Variants in DDR2 observed in about 807,000 individuals in gnomAD.
DDR2 encodes the protein discoidin domain receptor tyrosine kinase 2.
Under a neutral mutation model 94.9 loss-of-function variants are expected in DDR2, and 27 were observed. The ratio of observed to expected loss-of-function variants is 0.28; its 90% CI spans 0.21 to 0.39. DDR2 has a LOEUF of 0.39. Ranked by LOEUF, DDR2 falls within the 10% of genes least tolerant of loss-of-function variation. DDR2 has a pLI of 1.00. For missense variants in DDR2, 783 were observed against 1,076.0 expected (o/e 0.73, Z 3.81); for synonymous variants, 382 against 377.2 (o/e 1.01, Z -0.15).
intron 1 of DDR2, among the ~76,000 whole-genome samples, chr1:162,645,946 G>T (rs73016526): frequency 9.0e-4 from 137 of 152,316 alleles, no homozygotes; most frequent in African/African-American, 2.8e-3. Context: ...AAGCTGGTAT[G>T]TGTTAGTATG....
intron 3 of DDR2, among the ~76,000 whole-genome samples, chr1:162,736,860 A>G (rs1036308758): frequency 6.6e-6 from 1 of 152,198 alleles, no homozygotes; most frequent in Non-Finnish European, 1.5e-5. Flanking sequence ...CTGAAGGAGA[A>G]GTATACTTAG....
chr1:162,726,997 T>C (rs906277760), intron 3 of DDR2, among the ~76,000 whole-genome samples: 2 of 148,990 alleles, frequency 1.3e-5, no homozygotes, highest in Non-Finnish European at 3.0e-5. Context: ...AGATATAAAA[T>C]AGGAAAAGGA....
intron 3 of DDR2, among the ~76,000 whole-genome samples, chr1:162,727,161 A>G (rs866510198): frequency 6.9e-5 from 8 of 116,580 alleles, no homozygotes; most frequent in East Asian, 4.1e-4. Flanking sequence ...TGTAAATATA[A>G]ACATATATTT....
At chr1:162,672,788 G>A (rs537804141) in intron 2 of DDR2, among the ~76,000 whole-genome samples, 14 of 151,988 alleles carry the variant, frequency 9.2e-5, no homozygotes, top group African/African-American at 1.4e-4. Flanking sequence ...ATGTTCTGGC[G>A]GCCATTCTCA....
At chr1:162,696,572 G>A (rs182800079) in intron 2 of DDR2, among the ~76,000 whole-genome samples, 99 of 151,966 alleles carry the variant, frequency 6.5e-4, no homozygotes, top group African/African-American at 2.3e-3. Flanking sequence ...GGCCAAAGCT[G>A]AGTGAGGGCT....
At chr1:162,635,880 G>GT (rs1431766025) in intron 1 of DDR2, among the ~76,000 whole-genome samples, 2 of 152,140 alleles carry the variant, frequency 1.3e-5, no homozygotes, top group Non-Finnish European at 2.9e-5. Context: ...CAACTGTGTT[G>GT]TCTTTGGCAA....
At chr1:162,716,135 T>A (rs1222714717) in intron 2 of DDR2, among the ~76,000 whole-genome samples, 2 of 152,128 alleles carry the variant, frequency 1.3e-5, no homozygotes, top group East Asian at 1.9e-4. Context: ...AAATTAAGCA[T>A]GTGTTTTGGT....
At chr1:162,749,269 AAAG>A in intron 3 of DDR2, among the ~76,000 whole-genome samples, 1 of 152,348 alleles carries the variant, frequency 6.6e-6, no homozygotes, top group African/African-American at 2.4e-5. Flanking sequence ...CAAGACTAAC[AAAG>A]AAGAAAGGAG....
chr1:162,718,031 G>A (rs905713287), intron 2 of DDR2, among the ~76,000 whole-genome samples: 4 of 152,170 alleles, frequency 2.6e-5, no homozygotes, highest in Admixed American at 6.5e-5. Context: ...CATTGGAAAT[G>A]TGCATATTCT....
intron 3 of DDR2, among the ~76,000 whole-genome samples, chr1:162,733,992 T>A (rs1473294485): frequency 6.6e-6 from 1 of 152,214 alleles, no homozygotes. Context: ...CCTATTTGAT[T>A]ATGAAAAATC....
intron 14 of DDR2, among the ~76,000 whole-genome samples, chr1:162,774,741 T>G (rs920005920): frequency 2.6e-5 from 4 of 152,136 alleles, no homozygotes; most frequent in Non-Finnish European, 5.9e-5. Context: ...CCTCCACCTG[T>G]GTCCTTAGCA....
chr1:162,663,402 G>T (rs1032096987), intron 2 of DDR2, among the ~76,000 whole-genome samples: 3 of 152,060 alleles, frequency 2.0e-5, no homozygotes, highest in African/African-American at 7.2e-5. Flanking sequence ...TGCTGGAGGG[G>T]GTCCCCTATC....
intron 2 of DDR2, among the ~76,000 whole-genome samples, chr1:162,708,139 T>A (rs1218370555): frequency 6.6e-6 from 1 of 152,164 alleles, no homozygotes; most frequent in African/African-American, 2.4e-5. Context: ...GTCTTGAGTA[T>A]GTTAAGGGAA....
At chr1:162,671,083 C>T (rs1282699176) in intron 2 of DDR2, among the ~76,000 whole-genome samples, 3 of 152,104 alleles carry the variant, frequency 2.0e-5, no homozygotes, top group African/African-American at 4.8e-5. Context: ...TGTCAGCACA[C>T]ATACACGCAT....
intron 2 of DDR2, among the ~76,000 whole-genome samples, chr1:162,717,936 C>T (rs1014619504): frequency 6.6e-6 from 1 of 152,170 alleles, no homozygotes; most frequent in Non-Finnish European, 1.5e-5. Flanking sequence ...GTGCAACTTA[C>T]TCTTAAGGAG....
chr1:162,752,964 C>A, intron 3 of DDR2, 131 bp from the exon 4 acceptor site: 1 of 758,420 alleles, frequency 1.3e-6, no homozygotes, highest in Non-Finnish European at 2.2e-6. Flanking sequence ...CAAACTGGGG[C>A]CATAGAGGAA....
chr1:162,677,596 A>G (rs1467055103), intron 2 of DDR2, among the ~76,000 whole-genome samples: 3 of 152,196 alleles, frequency 2.0e-5, no homozygotes, highest in Non-Finnish European at 4.4e-5. Flanking sequence ...GAGGACTTCT[A>G]GCTTTTCTTC....
At position 162,685,493 on chromosome 1, in the gene DDR2, G is replaced by A. The variant is rs142516008; in HGVS notation, c.-28+30119G>A. On this transcript the variant is annotated intron_variant, in intron 2 of 17. Transcript: ENST00000367921. ...ACTGGGAGGCACACTGGAGATCCAG[G>A]TTGGGGGCCTGGGTCTAATCTCAGG... Among the ~76,000 whole-genome samples, 345 of 152,242 alleles carry A rather than the reference G, an allele frequency of 2.3e-3. 3 individuals carry two copies. Among genetic ancestry groups the A allele is most frequent in the African/African-American group, 7.9e-3 (329 of 41,528 alleles).
chr1:162,680,691 T>C (rs1293363177), intron 2 of DDR2, among the ~76,000 whole-genome samples: 4 of 152,200 alleles, frequency 2.6e-5, no homozygotes, highest in Admixed American at 1.3e-4. Flanking sequence ...ATCTTTAGAA[T>C]GGCATTTAGG....
Sources: gnomAD v4.1 joint callset for allele counts (sites outside exome capture counted in the v4.1 genomes callset) on GRCh38, gnomAD v4.1.1 for gene constraint, MANE v1.5 for transcripts, NCBI Gene and HGNC (gene_info 2026-07-23, HGNC 2026-07-21) for gene names.